DYNC2I2: variants seen among roughly 807,000 people sequenced by gnomAD.
DYNC2I2 encodes the protein dynein 2 intermediate chain 2, also known as cytoplasmic dynein 2 intermediate chain 2.
DYNC2I2 carries 39 observed loss-of-function variants against 52.0 expected under a neutral mutation model. The observed-to-expected ratio is 0.75, with a 90% CI of 0.58 to 0.98. The LOEUF is 0.98. DYNC2I2 is among the 50% of genes least tolerant of loss of function. The probability of loss-of-function intolerance (pLI) is 0.00; values close to 1 mark genes in which losing one functional copy is unlikely to be tolerated. For missense variants in DYNC2I2, 743 were observed against 728.4 expected, an observed-to-expected ratio of 1.02 and a Z score of -0.23; for synonymous variants, 359 against 321.1, an observed-to-expected ratio of 1.12 and a Z score of -1.26.
chr9:128,653,454 C>T (rs563312416), intron 1 of DYNC2I2, among the ~76,000 whole-genome samples: 2 of 151,212 alleles, frequency 1.3e-5, no homozygotes, highest in African/African-American at 4.9e-5. Flanking sequence ...GTGGCTCACA[C>T]CTGTAATCCC....
chr9:128,643,460 G>A (rs1860555253), intron 1 of DYNC2I2, among the ~76,000 whole-genome samples: 2 of 151,666 alleles, frequency 1.3e-5, no homozygotes, highest in South Asian at 4.2e-4. Flanking sequence ...TTGGGGGGCG[G>A]AGGTTGCAGT....
chr9:128,652,395 A>G (rs6478843), intron 1 of DYNC2I2, among the ~76,000 whole-genome samples: 124,977 of 145,020 alleles, frequency 0.86, 55,008 homozygotes, highest in Non-Finnish European at 0.95. Flanking sequence ...TCATGCCATT[A>G]AACTCCAGCC....
chr9:128,664,774 C>T, the DYNC2I2 span, among the ~76,000 whole-genome samples: 548 of 151,950 alleles, frequency 3.6e-3, 5 homozygotes, highest in Non-Finnish European at 3.7e-3. Context: ...CGTGAGCCAC[C>T]GTGCCCCACC....
chr9:128,645,204 T>C (rs1055937058), intron 1 of DYNC2I2, among the ~76,000 whole-genome samples: 1 of 119,344 alleles, frequency 8.4e-6, no homozygotes, highest in African/African-American at 3.2e-5. Flanking sequence ...AAAAAAAAAA[T>C]ACAAAAATTG....
At chr9:128,654,891 G>A (rs1268917039) in intron 1 of DYNC2I2, among the ~76,000 whole-genome samples, 1 of 152,034 alleles carries the variant, frequency 6.6e-6, no homozygotes, top group Non-Finnish European at 1.5e-5. Flanking sequence ...TTTCTCTTTT[G>A]TCCACGGCAC....
chr9:128,678,076 T>TC, the DYNC2I2 span, among the ~76,000 whole-genome samples: 4 of 151,912 alleles, frequency 2.6e-5, no homozygotes, highest in East Asian at 1.9e-4. Context: ...TCTTTTCTTT[T>TC]TTTTTTTTTT....
chr9:128,634,125 C>G, intron 8 of DYNC2I2, 101 bp downstream of exon 8: 1 of 1,570,356 alleles, frequency 6.4e-7, no homozygotes, highest in Non-Finnish European at 8.7e-7. Context: ...GCCGTCCTTA[C>G]CCCCATGTGT....
At chr9:128,634,646 G>A (rs954599861) in intron 7 of DYNC2I2, 43 bp downstream of exon 7, 1 of 1,481,596 alleles carries the variant, frequency 6.7e-7, no homozygotes, top group Non-Finnish European at 9.0e-7. Context: ...CCGCAGGGCA[G>A]GGACACCCTG....
upstream of DYNC2I2, among the ~76,000 whole-genome samples, chr9:128,658,055 G>A (rs924111726): frequency 3.9e-5 from 6 of 151,948 alleles, no homozygotes; most frequent in Non-Finnish European, 5.9e-5. Context: ...ATTGAACCAC[G>A]CTGTGCTTTA....
chr9:128,646,123 G>A (rs1180294017), intron 1 of DYNC2I2, among the ~76,000 whole-genome samples: 1 of 152,222 alleles, frequency 6.6e-6, no homozygotes, highest in Non-Finnish European at 1.5e-5. Context: ...AAGTGCTGCT[G>A]GAGAAGCCGG....
At chr9:128,672,605 G>A in the DYNC2I2 span, among the ~76,000 whole-genome samples, 1 of 151,288 alleles carries the variant, frequency 6.6e-6, no homozygotes, top group Non-Finnish European at 1.5e-5. Context: ...CTATGCTTCT[G>A]GGGAGAAAAA....
At chr9:128,684,433 G>A in the DYNC2I2 span, among the ~76,000 whole-genome samples, 2 of 152,010 alleles carry the variant, frequency 1.3e-5, no homozygotes, top group Non-Finnish European at 2.9e-5. Context: ...CACAACTCTG[G>A]CCTGAATCTC....
the DYNC2I2 span, among the ~76,000 whole-genome samples, chr9:128,682,897 C>T: frequency 2.0e-5 from 3 of 150,664 alleles, no homozygotes; most frequent in East Asian, 2.0e-4. Flanking sequence ...AGGATGGTCT[C>T]GATTTCCTGA....
At chr9:128,648,979 C>T (rs1420109954) in intron 1 of DYNC2I2, among the ~76,000 whole-genome samples, 1 of 152,032 alleles carries the variant, frequency 6.6e-6, no homozygotes, top group Non-Finnish European at 1.5e-5. Context: ...TTCCTAGGCA[C>T]CTCTGGGACA....
chr9:128,643,066 T>A (rs1201487949), intron 1 of DYNC2I2, among the ~76,000 whole-genome samples: 1 of 151,350 alleles, frequency 6.6e-6, no homozygotes, highest in African/African-American at 2.4e-5. Flanking sequence ...CAGGAAGGAG[T>A]GTAGTGGGCC....
chr9:128,653,906 G>A (rs979141052), intron 1 of DYNC2I2, among the ~76,000 whole-genome samples: 2 of 152,150 alleles, frequency 1.3e-5, no homozygotes, highest in African/African-American at 2.4e-5. Context: ...AGCTACTGGG[G>A]AGGCTGAGGC....
chr9:128,674,565 C>T, the DYNC2I2 span, among the ~76,000 whole-genome samples: 4 of 152,060 alleles, frequency 2.6e-5, no homozygotes, highest in South Asian at 6.2e-4. Flanking sequence ...AATATGGTGA[C>T]ACCCTTGTCT....
upstream of DYNC2I2, among the ~76,000 whole-genome samples, chr9:128,658,076 G>A (rs1212330012): frequency 1.3e-5 from 2 of 151,822 alleles, no homozygotes; most frequent in Non-Finnish European, 2.9e-5. Context: ...GCCTGGACAA[G>A]AGAGTGAGAC....
At chr9:128,656,396 TGGGACGCCCGAACCCGCCCGGCAGCCACG>T in intron 1 of DYNC2I2, 116 bp downstream of exon 1, 1 of 498,880 alleles carries the variant, frequency 2.0e-6, no homozygotes, top group African/African-American at 3.3e-5. Flanking sequence ...AGGCAAACGG[TGGGACGCCCGAACCCGCCCGGCAGCCACG>T]GTGGGACGCC....
Sources: gnomAD v4.1 joint callset for allele counts (sites outside exome capture counted in the v4.1 genomes callset) on GRCh38, gnomAD v4.1.1 for gene constraint, MANE v1.5 for transcripts, NCBI Gene and HGNC (gene_info 2026-07-23, HGNC 2026-07-21) for gene names.